Variants in WRN observed in about 807,000 individuals in gnomAD.
The protein encoded by WRN is WRN RecQ like helicase.
Under a neutral mutation model 180.7 loss-of-function variants are expected in WRN, and 149 were observed. The observed-to-expected ratio is 0.82, with a 90% CI of 0.72 to 0.94. WRN has a LOEUF of 0.94. Among genes scored for constraint, WRN ranks in the 40% least tolerant of loss-of-function variants. WRN has a pLI of 0.00. For synonymous variants in WRN, 548 were observed against 568.9 expected (o/e 0.96, Z 0.52); for missense variants, 1,661 against 1,700.1 (o/e 0.98, Z 0.40).
At chr8:31,093,259 A>G (rs1455160280) in intron 16 of WRN, among the ~76,000 whole-genome samples, 1 of 152,152 alleles carries the variant, frequency 6.6e-6, no homozygotes, top group East Asian at 1.9e-4. Flanking sequence ...TTTTATTGAT[A>G]CATGTCAAGG....
chr8:31,168,551 C>T (rs1803988502), intron 34 of WRN, among the ~76,000 whole-genome samples: 1 of 151,970 alleles, frequency 6.6e-6, no homozygotes, highest in East Asian at 1.9e-4. Context: ...TTTTACTAAG[C>T]TTGCTAGATT....
chr8:31,146,134 T>C (rs1399370802), intron 28 of WRN, among the ~76,000 whole-genome samples: 1 of 151,896 alleles, frequency 6.6e-6, no homozygotes, highest in African/African-American at 2.4e-5. Context: ...CCCTGGCGTG[T>C]GCCTTCTTAT....
chr8:31,130,036 A>AAAAAAG (rs1585498296), intron 23 of WRN, among the ~76,000 whole-genome samples: 3 of 149,584 alleles, frequency 2.0e-5, no homozygotes, highest in African/African-American at 7.5e-5. Context: ...AAAAAAAAAA[A>AAAAAAG]CTAGTAAGAG....
Position 31,081,078 on chromosome 8 carries a change from C to G in WRN, c.1051C>G (p.Leu351Val), listed in dbSNP as rs1813289767. 13 of 1,613,964 alleles carry G rather than the reference C, an allele frequency of 8.1e-6. No individual in the cohort carries two copies. Among genetic ancestry groups the G allele is most frequent in the Non-Finnish European group, 1.1e-5 (13 of 1,179,962 alleles). Residue 351 changes from leucine to valine, a missense_variant, in exon 9 of 35, where the codon CTT becomes GTT. Leu to Val is a conservative substitution (Grantham distance 32). Transcript: ENST00000298139. ...TGAAGATGAAACATGGGACCCAACACTTGATCATTTAGCTAAACATGATGG... is the reference window on the plus strand; with the variant it reads ...TGAAGATGAAACATGGGACCCAACAGTTGATCATTTAGCTAAACATGATGG... ...HVEDETWDPT[L>V]DHLAKHDGED...
At position 31,157,439 on chromosome 8, in the gene WRN, T is replaced by C; in HGVS notation, c.3891T>C (p.Ala1297=). ...TGCACTTATCCCAAGCGGTGAAAGC[T>C]GGCTGCCCCCTTGATTTGGAGCGAG... The part of the protein sequence containing the change: ...IGMHLSQAVK[A]GCPLDLERAG... Residue 1297 remains alanine (A), a synonymous_variant, in exon 33 of 35, where the codon GCT becomes GCC. Transcript: ENST00000298139. The C allele has an allele frequency of 6.2e-7, 1 of 1,614,148 alleles. No individual in the cohort carries two copies. The highest frequency in any genetic ancestry group is 8.5e-7 in the Non-Finnish European group (1 of 1,180,012).
At chr8:31,133,130 A>T (rs1364754071) in intron 24 of WRN, among the ~76,000 whole-genome samples, 8 of 152,252 alleles carry the variant, frequency 5.3e-5, no homozygotes, top group Middle Eastern at 3.4e-3. Context: ...ATAAGATAGG[A>T]CCGTTGCAGT....
In WRN at chr8:31,176,132, T is replaced by C. The variant is rs981351245; in HGVS notation, c.*3030T>C. ...ATTAAAGTTGCTTTCAGTTTTTTTG[T>C]TTTAAACAGCACTGCTTTGACCTTT... is the stretch of plus-strand genomic sequence containing the variant. On this transcript the variant is annotated 3_prime_UTR_variant, in exon 35 of 35. Coordinates refer to ENST00000298139, the MANE Select transcript of WRN (RefSeq NM_000553.6). Among the ~76,000 whole-genome samples the C allele has an allele frequency of 2.6e-5, 4 of 152,204 alleles. No individual in the cohort carries two copies. The highest frequency in any genetic ancestry group is 6.5e-5 in the Admixed American group (1 of 15,288).
At chr8:31,042,287 C>T (rs935503286) in intron 1 of WRN, among the ~76,000 whole-genome samples, 5 of 152,068 alleles carry the variant, frequency 3.3e-5, no homozygotes, top group African/African-American at 1.2e-4. Context: ...GCACTATCTC[C>T]CTTGGATATT....
At chr8:31,153,806 T>C (rs1236974804) in intron 31 of WRN, among the ~76,000 whole-genome samples, 1 of 152,062 alleles carries the variant, frequency 6.6e-6, no homozygotes, top group Non-Finnish European at 1.5e-5. Flanking sequence ...AATAAATCTT[T>C]CCAAAAGAAG....
chr8:31,085,316 A>C (rs1267097374), intron 11 of WRN, 70 bp downstream of exon 11: 31 of 1,537,154 alleles, frequency 2.0e-5, no homozygotes, highest in Middle Eastern at 1.7e-4. Flanking sequence ...TAAAATATTA[A>C]CTAATTCTAA....
rs2130119162 is a variant in WRN at position 31,081,055 on chromosome 8, A to C, written c.1028A>C (p.Glu343Ala). The C allele has an allele frequency of 6.2e-7, 1 of 1,614,078 alleles. No individual in the cohort carries two copies. Among genetic ancestry groups the C allele is most frequent in the South Asian group, 1.1e-5 (1 of 91,086 alleles). Reference sequence around the variant, plus strand: ...GAACATGAAGTTTTAATTCACGTTGAAGATGAAACATGGGACCCAACACTT... The same window carrying C: ...GAACATGAAGTTTTAATTCACGTTGCAGATGAAACATGGGACCCAACACTT... ...IREHEVLIHVEDETWDPTLDH... is the reference protein window; with the variant it reads ...IREHEVLIHVADETWDPTLDH... The change falls in exon 9 of 35, where the codon GAA becomes GCA. Residue 343 changes from glutamate to alanine, a missense_variant. Glu to Ala is a moderately radical substitution (Grantham distance 107). This residue lies in a region of WRN where 500 missense variants were observed against 504.1 expected (regional missense o/e 0.99). Coordinates refer to ENST00000298139, the MANE Select transcript of WRN (RefSeq NM_000553.6).
chr8:31,089,371 T>G (rs905793894), intron 13 of WRN, among the ~76,000 whole-genome samples: 1 of 152,046 alleles, frequency 6.6e-6, no homozygotes, highest in African/African-American at 2.4e-5. Flanking sequence ...ATCTTATCTA[T>G]TTTAATGTAC....
chr8:31,099,783 T>G (rs996334799), intron 17 of WRN, among the ~76,000 whole-genome samples: 1 of 152,104 alleles, frequency 6.6e-6, no homozygotes, highest in African/African-American at 2.4e-5. Flanking sequence ...AGTAGCATTT[T>G]TGTGTGTGTG....
chr8:31,141,423 A>G lies in WRN; in HGVS notation c.2968-7A>G. 1 of 1,614,040 alleles carries G rather than the reference A, an allele frequency of 6.2e-7. No individual in the cohort carries two copies. Among genetic ancestry groups the G allele is most frequent in the South Asian group, 1.1e-5 (1 of 91,080 alleles). On this transcript the variant is annotated splice_polypyrimidine_tract_variant and splice_region_variant and intron_variant, in intron 24 of 34. Coordinates refer to ENST00000298139, the MANE Select transcript of WRN (RefSeq NM_000553.6). Reference sequence around the variant, plus strand: ...TTTTTAGATACTGATTTTATTCCTAATTTCAGAATTCTCAGCGTCTTGCCG... The same window carrying G: ...TTTTTAGATACTGATTTTATTCCTAGTTTCAGAATTCTCAGCGTCTTGCCG...
At chr8:31,095,113 G>T (rs1480436079) in intron 16 of WRN, among the ~76,000 whole-genome samples, 3 of 152,144 alleles carry the variant, frequency 2.0e-5, no homozygotes, top group Non-Finnish European at 4.4e-5. Context: ...CTATCACTTA[G>T]TCTGGCTGAT....
At chr8:31,157,734 G>A (rs1480754003) in intron 33 of WRN, among the ~76,000 whole-genome samples, 1 of 151,792 alleles carries the variant, frequency 6.6e-6, no homozygotes, top group South Asian at 2.1e-4. Context: ...TTTTTGTTTT[G>A]TTTTGTTTTT....
At chr8:31,040,498 T>C (rs1004802816) in intron 1 of WRN, among the ~76,000 whole-genome samples, 1 of 152,290 alleles carries the variant, frequency 6.6e-6, no homozygotes, top group Middle Eastern at 3.4e-3. Context: ...GGGATTGTTA[T>C]ACTGAAAAGG....
intron 21 of WRN, among the ~76,000 whole-genome samples, chr8:31,123,764 T>C (rs1442532345): frequency 1.3e-5 from 2 of 152,150 alleles, no homozygotes; most frequent in African/African-American, 2.4e-5. Flanking sequence ...TGTAAAGATA[T>C]GCAAAGCTAT....
intron 17 of WRN, 150 bp downstream of exon 17, chr8:31,097,000 A>G (rs1814015324): frequency 1.3e-6 from 1 of 763,604 alleles, no homozygotes; most frequent in Admixed American, 2.0e-5. Context: ...TTGCTGTTTC[A>G]CCTATCTTAT....
Sources: gnomAD v4.1 joint callset for allele counts (sites outside exome capture counted in the v4.1 genomes callset) on GRCh38, gnomAD v4.1.1 for gene constraint, gnomAD v4.1.1 regional missense constraint, MANE v1.5 for transcripts, NCBI Gene and HGNC (gene_info 2026-07-23, HGNC 2026-07-21) for gene names.